ATRN: variants seen among roughly 807,000 people sequenced by gnomAD.
ATRN encodes attractin, also known as attractin-2.
Under a neutral mutation model 178.7 loss-of-function variants are expected in ATRN, and 54 were observed. The observed-to-expected ratio is 0.30, with a 90% confidence interval of 0.24 to 0.38. The LOEUF is 0.38. Among genes scored for constraint, ATRN ranks in the 10% least tolerant of loss-of-function variants. The pLI is 1.00. For synonymous variants in ATRN, 636 were observed against 663.0 expected, an observed-to-expected ratio of 0.96 and a Z score of 0.63; for missense variants, 1,443 against 1,815.1, an observed-to-expected ratio of 0.79 and a Z score of 3.73.
chr20:3,516,650 C>G (rs930582726), intron 1 of ATRN, among the ~76,000 whole-genome samples: 1 of 152,078 alleles, frequency 6.6e-6, no homozygotes. Context: ...CTGAATGAGG[C>G]CTGCTTCCTT....
At chr20:3,502,685 T>G (rs2084980554) in intron 1 of ATRN, among the ~76,000 whole-genome samples, 1 of 152,196 alleles carries the variant, frequency 6.6e-6, no homozygotes, top group African/African-American at 2.4e-5. Flanking sequence ...CCTTTTCCAC[T>G]GAGGCAGGTT....
intron 3 of ATRN, among the ~76,000 whole-genome samples, chr20:3,544,723 C>T (rs1322324886): frequency 6.6e-6 from 1 of 151,900 alleles, no homozygotes; most frequent in Non-Finnish European, 1.5e-5. Context: ...ACCCTTCATT[C>T]TGTATTGATA....
intron 8 of ATRN, 50 bp downstream of exon 8, chr20:3,560,955 C>T: frequency 2.5e-6 from 4 of 1,584,410 alleles, no homozygotes; most frequent in Non-Finnish European, 3.5e-6. Flanking sequence ...GATTTAAAAC[C>T]TCTAAGCTTA....
At chr20:3,589,665 A>G (rs1248140959) in intron 18 of ATRN, among the ~76,000 whole-genome samples, 7 of 74,262 alleles carry the variant, frequency 9.4e-5, no homozygotes, top group East Asian at 7.3e-4. Context: ...AGATCTGTCA[A>G]TATTGGTCAG....
intron 6 of ATRN, among the ~76,000 whole-genome samples, chr20:3,550,997 TC>T (rs1396021288): frequency 6.6e-6 from 1 of 152,232 alleles, no homozygotes; most frequent in Non-Finnish European, 1.5e-5. Flanking sequence ...CCACCCTGCT[TC>T]TTCTGTGGTG....
intron 1 of ATRN, among the ~76,000 whole-genome samples, chr20:3,496,970 A>G (rs238716): frequency 0.016 from 2,471 of 151,662 alleles, 54 homozygotes; most frequent in African/African-American, 0.045. Context: ...TTTATCAGAG[A>G]CTAGGATTGC....
chr20:3,497,434 T>A (rs2084896420), intron 1 of ATRN, among the ~76,000 whole-genome samples: 1 of 152,188 alleles, frequency 6.6e-6, no homozygotes, highest in African/African-American at 2.4e-5. Flanking sequence ...TTAGTTTGGC[T>A]GGATATGAAA....
rs756452222 is a variant in ATRN, at chr20:3,649,177, G to T, written c.*2330G>T. On this transcript the variant is annotated 3_prime_UTR_variant, in exon 29 of 29. Coordinates refer to ENST00000262919, the MANE Select transcript of ATRN (RefSeq NM_139321.3). ...GGGCAGAAAAAGGGAATGGCAGGGA[G>T]TAAGAGGCGCTGGGCTCGGAGCCTG... 8 of 152,368 alleles carry T rather than the reference G, an allele frequency of 5.3e-5. No individual in the cohort carries two copies. The highest frequency in any genetic ancestry group is 1.9e-4 in the African/African-American group (8 of 41,422). The allele number at this position is 152,368 out of a possible 1,614,324, so 9.4% of individuals were successfully genotyped here.
At chr20:3,488,052 A>G (rs2084721246) in intron 1 of ATRN, among the ~76,000 whole-genome samples, 1 of 152,046 alleles carries the variant, frequency 6.6e-6, no homozygotes, top group African/African-American at 2.4e-5. Context: ...GGGGATTGAC[A>G]GCCTCTCACA....
intron 1 of ATRN, among the ~76,000 whole-genome samples, chr20:3,498,882 G>A (rs2084917170): frequency 7.2e-6 from 1 of 138,044 alleles, no homozygotes; most frequent in Non-Finnish European, 1.6e-5. Flanking sequence ...AGGAAAAGAG[G>A]AAGTCAAATT....
chr20:3,576,097 G>A, intron 13 of ATRN, 149 bp downstream of exon 13: 1 of 987,846 alleles, frequency 1.0e-6, no homozygotes, highest in Middle Eastern at 3.4e-4. Context: ...TTTCCTTTAG[G>A]AAGAGATGTT....
In ATRN at chr20:3,584,668, G is replaced by T. The variant is rs1406763026; in HGVS notation, c.2972G>T (p.Cys991Phe). ...TCPPENCSGY[C>F]TCSHCLEQPG... ...ATAGCTGAAAATTGTTCAGGCTACT[G>T]TACCTGTAGTCATTGCTTGGAGCAA... is the stretch of plus-strand genomic sequence containing the variant. The change falls in exon 18 of 29, where the codon TGT (cysteine) becomes TTT (phenylalanine). Residue 991 changes from cysteine (C) to phenylalanine (F), a missense_variant. Cys to Phe is a radical substitution (Grantham distance 205, BLOSUM62 -2). This residue lies in a region of ATRN where 212 missense variants were observed against 330.7 expected (regional missense o/e 0.64). Transcript: ENST00000262919. 2 of 1,613,580 alleles carry T rather than the reference G, an allele frequency of 1.2e-6. No individual in the cohort carries two copies. Among genetic ancestry groups the T allele is most frequent in the African/African-American group, 2.7e-5 (2 of 74,808 alleles).
chr20:3,598,000 A>G lies in ATRN; in HGVS notation c.3564A>G (p.Glu1188=). The change falls in exon 22 of 29, where the codon GAA becomes GAG. Residue 1188 remains glutamate (E), a splice_region_variant and synonymous_variant. Coordinates refer to ENST00000262919, the MANE Select transcript of ATRN (RefSeq NM_139321.3). ...TCAATTTTGTGGCTACTCCTGACGA[A>G]GTAAGATTTTTTAAAGTCTTCCTAT... ...TAINFVATPD[E]QNRDLDMFIN... is the part of the protein sequence containing the mutation. 6.3e-7 allele frequency: 1 copy of G among 1,595,840 alleles called. No homozygotes were observed. The highest frequency in any genetic ancestry group is 8.6e-7 in the Non-Finnish European group (1 of 1,164,456).
intron 21 of ATRN, among the ~76,000 whole-genome samples, 158 bp downstream of exon 21, chr20:3,596,587 A>G (rs2086532062): frequency 6.6e-6 from 1 of 152,244 alleles, no homozygotes; most frequent in Admixed American, 6.5e-5. Flanking sequence ...AGTTTACTAC[A>G]TATAGGAGCA....
chr20:3,644,166 C>A lies in ATRN; in HGVS notation c.4063C>A (p.Pro1355Thr). 6.2e-7 allele frequency: 1 copy of A among 1,613,796 alleles called. No homozygotes were observed. Among genetic ancestry groups the A allele is most frequent in the South Asian group, 1.1e-5 (1 of 91,072 alleles). ...TTTCTTCTGCCAGACTGTTCCCAAACCCATTGCACTGGAGCCGTGTTTTGG... is the reference window on the plus strand; with the variant it reads ...TTTCTTCTGCCAGACTGTTCCCAAAACCATTGCACTGGAGCCGTGTTTTGG... ...IGGSIKTVPKPIALEPCFGNK... is the reference protein window; with the variant it reads ...IGGSIKTVPKTIALEPCFGNK... Residue 1355 changes from proline to threonine, a missense_variant, in exon 28 of 29, where the codon CCC becomes ACC. By Grantham distance (38) the Pro-to-Thr change is conservative. Transcript: ENST00000262919.
At chr20:3,594,609 A>G in intron 20 of ATRN, 37 bp downstream of exon 20, 1 of 1,558,184 alleles carries the variant, frequency 6.4e-7, no homozygotes, top group African/African-American at 1.4e-5. Context: ...AGGGAGGACC[A>G]AGAGGCTGTG....
intron 24 of ATRN, among the ~76,000 whole-genome samples, chr20:3,614,586 T>C (rs1212906479): frequency 6.6e-6 from 1 of 152,260 alleles, no homozygotes; most frequent in Admixed American, 6.5e-5. Context: ...GAGCAAGGGA[T>C]GTGTGAAACT....
chr20:3,628,143 A>G (rs914818873), intron 25 of ATRN, among the ~76,000 whole-genome samples: 2 of 152,134 alleles, frequency 1.3e-5, no homozygotes, highest in African/African-American at 4.8e-5. Flanking sequence ...CTGCACTCCA[A>G]CCTGGGCAAC....
intron 3 of ATRN, 48 bp downstream of exon 3, chr20:3,540,383 T>C: frequency 8.4e-7 from 1 of 1,195,414 alleles, no homozygotes; most frequent in South Asian, 1.3e-5. Flanking sequence ...TTTCTAAATT[T>C]AAACATATCT....
Sources: allele counts gnomAD v4.1 joint callset (sites outside exome capture counted in the v4.1 genomes callset), GRCh38; gene constraint gnomAD v4.1.1; regional missense constraint gnomAD v4.1.1; transcripts MANE v1.5; gene names NCBI Gene and HGNC (gene_info 2026-07-23, HGNC 2026-07-21).